The following PDZRN3 variants were observed in gnomAD, a reference collection of about 807,000 sequenced individuals.
PDZRN3 encodes E3 ubiquitin-protein ligase PDZRN3.
PDZRN3 carries 38 observed loss-of-function variants against 85.7 expected under a neutral mutation model. The ratio of observed to expected loss-of-function variants is 0.44; its 90% CI spans 0.34 to 0.58. The LOEUF (loss-of-function observed/expected upper bound fraction) is 0.58. PDZRN3 is among the 20% of genes least tolerant of loss of function. PDZRN3 has a pLI of 0.01. For missense variants in PDZRN3, 1,629 were observed against 1,506.4 expected (o/e 1.08, Z -1.35); for synonymous variants, 759 against 638.0 (o/e 1.19, Z -2.86).
chr3:73,410,358 T>C (rs931070084), intron 3 of PDZRN3, among the ~76,000 whole-genome samples: 5 of 152,172 alleles, frequency 3.3e-5, no homozygotes, highest in African/African-American at 1.2e-4. Context: ...TTAACGTGTT[T>C]CTGAGGAAAG....
chr3:73,548,296 C>A (rs1701474857), intron 3 of PDZRN3, among the ~76,000 whole-genome samples: 1 of 152,172 alleles, frequency 6.6e-6, no homozygotes, highest in Non-Finnish European at 1.5e-5. Flanking sequence ...TTTCTTGTAA[C>A]CAGCTCCAAA....
chr3:73,401,060 G>A, intron 4 of PDZRN3, 51 bp from the exon 5 acceptor site: 1 of 1,371,828 alleles, frequency 7.3e-7, no homozygotes, highest in Non-Finnish European at 1.0e-6. Context: ...GTCAGTATCT[G>A]TTTTTCTTAC....
At chr3:73,441,937 C>G (rs1244305662) in intron 3 of PDZRN3, among the ~76,000 whole-genome samples, 4 of 152,194 alleles carry the variant, frequency 2.6e-5, no homozygotes, top group Admixed American at 2.6e-4. Flanking sequence ...TTACAGCTAC[C>G]AAATGGCCTG....
intron 2 of PDZRN3, among the ~76,000 whole-genome samples, chr3:73,602,931 T>A (rs548314180): frequency 1.1e-4 from 16 of 152,352 alleles, no homozygotes; most frequent in Non-Finnish European, 1.8e-4. Flanking sequence ...AACATGAGGC[T>A]AATAAACACT....
At chr3:73,554,548 C>A (rs144679179) in intron 3 of PDZRN3, among the ~76,000 whole-genome samples, 1 of 152,148 alleles carries the variant, frequency 6.6e-6, no homozygotes, top group African/African-American at 2.4e-5. Context: ...CCATAATGTA[C>A]GTTCAAAGGG....
intron 5 of PDZRN3, among the ~76,000 whole-genome samples, chr3:73,396,215 AAAAC>A (rs1246600293): frequency 6.7e-6 from 1 of 149,894 alleles, no homozygotes; most frequent in African/African-American, 2.5e-5. Flanking sequence ...ACGCAGTCTC[AAAAC>A]AAACAAAAAA....
chr3:73,456,247 G>C (rs1702975596), intron 3 of PDZRN3, among the ~76,000 whole-genome samples: 1 of 152,040 alleles, frequency 6.6e-6, no homozygotes, highest in Non-Finnish European at 1.5e-5. Context: ...TTATCATGGT[G>C]AAACCCTCCC....
intron 3 of PDZRN3, among the ~76,000 whole-genome samples, chr3:73,458,995 C>CAAAAAAAAAAAA (rs35284667): frequency 8.1e-6 from 1 of 124,152 alleles, no homozygotes; most frequent in Non-Finnish European, 1.7e-5. Context: ...CCATCTCAAA[C>CAAAAAAAAAAAA]AAAAAAAAAA....
At chr3:73,470,261 T>A (rs1703309445) in intron 3 of PDZRN3, among the ~76,000 whole-genome samples, 1 of 152,226 alleles carries the variant, frequency 6.6e-6, no homozygotes, top group Non-Finnish European at 1.5e-5. Context: ...TGTCCCTCAA[T>A]CAATAAATAC....
intron 3 of PDZRN3, chr3:73,561,558 G>A (rs139255972): frequency 4.6e-5 from 7 of 152,288 alleles, no homozygotes; most frequent in Non-Finnish European, 1.0e-4. Flanking sequence ...GCGTCAGCTC[G>A]GAAGTGTTAT....
intron 5 of PDZRN3, among the ~76,000 whole-genome samples, chr3:73,396,499 A>G (rs557060681): frequency 6.6e-6 from 1 of 152,296 alleles, no homozygotes; most frequent in South Asian, 2.1e-4. Flanking sequence ...CTGTGCCTCA[A>G]AGGCTAAAGA....
chr3:73,529,438 C>T (rs971224043), intron 3 of PDZRN3, among the ~76,000 whole-genome samples: 1 of 152,208 alleles, frequency 6.6e-6, no homozygotes, highest in African/African-American at 2.4e-5. Flanking sequence ...CCACAGTCCC[C>T]ACCCCTCCCC....
At chr3:73,530,084 C>T (rs904983453) in intron 3 of PDZRN3, among the ~76,000 whole-genome samples, 20 of 152,092 alleles carry the variant, frequency 1.3e-4, no homozygotes, top group Non-Finnish European at 4.4e-5. Flanking sequence ...CTCTGATAAC[C>T]ATTACGAAAG....
rs368510301 is a variant in PDZRN3, at chr3:73,602,345, T to C, written c.918+9A>G. 5 of 1,443,838 alleles carry C rather than the reference T, an allele frequency of 3.5e-6. No homozygotes were observed. In the African/African-American group the frequency reaches 5.6e-5, roughly 16 times the overall value. The allele number at this position is 1,443,838 out of a possible 1,614,324, so 89.4% of individuals were successfully genotyped here. On this transcript the variant is annotated intron_variant, in intron 3 of 9. Coordinates refer to ENST00000263666, the MANE Select transcript of PDZRN3 (RefSeq NM_015009.3). ...GCCTATTCAAAGACACTGGCCAGTA[T>C]TCACATACCTCAATAATCCTGTCAT...
At chr3:73,580,521 C>T (rs1702184984) in intron 3 of PDZRN3, among the ~76,000 whole-genome samples, 1 of 152,196 alleles carries the variant, frequency 6.6e-6, no homozygotes, top group African/African-American at 2.4e-5. Flanking sequence ...TTGCATTATG[C>T]CTTACTCACC....
chr3:73,461,246 G>T (rs571671169), intron 3 of PDZRN3, among the ~76,000 whole-genome samples: 7 of 152,190 alleles, frequency 4.6e-5, no homozygotes, highest in African/African-American at 1.7e-4. Flanking sequence ...AAAGAAATAT[G>T]CCTGAAAAGA....
At chr3:73,589,133 C>T (rs896192101) in intron 3 of PDZRN3, among the ~76,000 whole-genome samples, 10 of 151,934 alleles carry the variant, frequency 6.6e-5, no homozygotes, top group African/African-American at 9.7e-5. Context: ...CTGCAAGCTC[C>T]GCCTCCTGGG....
chr3:73,624,203 T>C lies in PDZRN3; in HGVS notation c.623A>G (p.Glu208Gly). ...LVAQLAAAQLELQMTALRYQK... is the reference protein window; with the variant it reads ...LVAQLAAAQLGLQMTALRYQK... Reference sequence around the variant, plus strand: ...GTAGCGCAGCGCGGTCATCTGCAGCTCAAGCTGCGCCGCGGCCAGCTGGGC... The same window carrying C: ...GTAGCGCAGCGCGGTCATCTGCAGCCCAAGCTGCGCCGCGGCCAGCTGGGC... The change falls in exon 1 of 10, where the codon GAG becomes GGG. Residue 208 changes from glutamate (E) to glycine (G), a missense_variant. By Grantham distance (98) the Glu-to-Gly change is moderately conservative (BLOSUM62 -2). Transcript: ENST00000263666. 1 of 1,491,308 alleles carries C rather than the reference T, an allele frequency of 6.7e-7. No homozygotes were observed. Among genetic ancestry groups the C allele is most frequent in the Non-Finnish European group, 8.9e-7 (1 of 1,126,842 alleles). 92.4% of individuals were successfully genotyped at this position (1,491,308 alleles called of 1,614,324 possible). A position where few individuals can be genotyped will look rare whatever the true frequency, so the allele number is the denominator to read the frequency against.
intron 3 of PDZRN3, among the ~76,000 whole-genome samples, chr3:73,424,048 A>T (rs1268657741): frequency 6.6e-6 from 1 of 152,204 alleles, no homozygotes; most frequent in Non-Finnish European, 1.5e-5. Flanking sequence ...ACATCTTACC[A>T]TATATAAAAA....
Sources: gnomAD v4.1 joint callset for allele counts (sites outside exome capture counted in the v4.1 genomes callset) on GRCh38, gnomAD v4.1.1 for gene constraint, MANE v1.5 for transcripts, NCBI Gene and HGNC (gene_info 2026-07-23, HGNC 2026-07-21) for gene names.